The following TRAPPC9 variants were observed in gnomAD, a reference collection of about 807,000 sequenced individuals.
The protein encoded by TRAPPC9 is IKK2 binding protein.
Under a neutral mutation model 124.0 loss-of-function variants are expected in TRAPPC9, and 83 were observed. The observed-to-expected ratio is 0.67, with a 90% CI of 0.56 to 0.80. The LOEUF (loss-of-function observed/expected upper bound fraction) is 0.80, where lower values mean the gene tolerates loss of function less well. Ranked by LOEUF, TRAPPC9 falls within the 30% of genes least tolerant of loss-of-function variation. The pLI is 0.00. For missense variants in TRAPPC9, 1,302 were observed against 1,508.3 expected, an observed-to-expected ratio of 0.86 and a Z score of 2.27; for synonymous variants, 638 against 617.5, an observed-to-expected ratio of 1.03 and a Z score of -0.49.
chr8:140,444,691 C>CCCCG (rs201805978), intron 2 of TRAPPC9, among the ~76,000 whole-genome samples: 1 of 151,738 alleles, frequency 6.6e-6, no homozygotes, highest in Non-Finnish European at 1.5e-5. Context: ...TGAGACCCCC[C>CCCCG]CCATCTCTAC....
chr8:140,402,558 T>A (rs1371730069), intron 6 of TRAPPC9, among the ~76,000 whole-genome samples: 1 of 151,974 alleles, frequency 6.6e-6, no homozygotes, highest in Non-Finnish European at 1.5e-5. Context: ...TAGCTGGGCA[T>A]GGTGTTGCAC....
chr8:139,878,866 G>A (rs1008527848), intron 21 of TRAPPC9, among the ~76,000 whole-genome samples: 22 of 152,224 alleles, frequency 1.4e-4, no homozygotes, highest in African/African-American at 5.1e-4. Flanking sequence ...CGAGAGGATC[G>A]CTGAGCCCAG....
chr8:140,135,672 C>T (rs1310574047), intron 17 of TRAPPC9, among the ~76,000 whole-genome samples: 7 of 152,292 alleles, frequency 4.6e-5, no homozygotes, highest in African/African-American at 1.7e-4. Flanking sequence ...GGATACAGAG[C>T]TTCTATTTGG....
chr8:139,796,648 T>C (rs1358076570), intron 21 of TRAPPC9, among the ~76,000 whole-genome samples: 1 of 152,268 alleles, frequency 6.6e-6, no homozygotes, highest in Non-Finnish European at 1.5e-5. Context: ...TGTTTATCCA[T>C]TCAGCAGCTG....
rs527911358 is a variant in TRAPPC9, at chr8:140,449,871, T to C, written c.584+919A>G. 5.9e-5 allele frequency among the ~76,000 whole-genome samples: 9 copies of C among 152,334 alleles called. No homozygotes were observed. The South Asian group carries it at 6.2e-4, about 11-fold the overall frequency. ...CCAAAGGGACGAGACTGAATAAAAC[T>C]GTTCAAACTGTGCTCTAGCACAGTG... On this transcript the variant is annotated intron_variant, in intron 2 of 22. Transcript: ENST00000438773.
intron 17 of TRAPPC9, among the ~76,000 whole-genome samples, chr8:140,064,770 C>G (rs531566111): frequency 1.3e-5 from 2 of 152,296 alleles, no homozygotes; most frequent in African/African-American, 4.8e-5. Flanking sequence ...AGGTATTTCT[C>G]TGTGACTGGT....
chr8:139,978,940 T>C (rs1836683287), intron 19 of TRAPPC9, among the ~76,000 whole-genome samples: 1 of 151,958 alleles, frequency 6.6e-6, no homozygotes, highest in Non-Finnish European at 1.5e-5. Context: ...GCTTTCTTCA[T>C]AGACGGGCAG....
intron 1 of TRAPPC9, 148 bp downstream of exon 1, chr8:140,457,491 A>ACCCGGACAGGTGTGGCGGGCTCCG (rs1276558716): frequency 1.6e-6 from 1 of 624,790 alleles, no homozygotes; most frequent in Non-Finnish European, 2.0e-6. Context: ...CCGGCAGCGG[A>ACCCGGACAGGTGTGGCGGGCTCCG]CCCGGACAGG....
intron 21 of TRAPPC9, among the ~76,000 whole-genome samples, chr8:139,771,236 G>A (rs1173201927): frequency 6.6e-6 from 1 of 152,150 alleles, no homozygotes; most frequent in Non-Finnish European, 1.5e-5. Flanking sequence ...GAAACTTAAC[G>A]CATCATCTAT....
intron 14 of TRAPPC9, among the ~76,000 whole-genome samples, chr8:140,282,008 C>T (rs1449190289): frequency 6.6e-6 from 1 of 152,172 alleles, no homozygotes; most frequent in African/African-American, 2.4e-5. Context: ...TCAATTTCTC[C>T]ACTTGACAGA....
At chr8:139,909,468 C>CA (rs149721368) in intron 20 of TRAPPC9, among the ~76,000 whole-genome samples, 6,947 of 152,272 alleles carry the variant, frequency 0.046, 401 homozygotes, top group African/African-American at 0.14. Context: ...TCATACTAGA[C>CA]AAACAACTGC....
rs148433924 is a variant in TRAPPC9 at position 139,821,800 on chromosome 8, C to T, written c.3055+64079G>A. Reference sequence around the variant, plus strand: ...GGGACCCGTGAGCTTGTTAAGGCTTCTGAGTAGAGACCAACAGATTCGTGT... The same window carrying T: ...GGGACCCGTGAGCTTGTTAAGGCTTTTGAGTAGAGACCAACAGATTCGTGT... On this transcript the variant is annotated intron_variant, in intron 21 of 22. Transcript: ENST00000438773. Among the ~76,000 whole-genome samples, 774 of 152,306 alleles carry T rather than the reference C, an allele frequency of 5.1e-3. 4 individuals carry two copies. Among genetic ancestry groups the T allele is most frequent in the Middle Eastern group, 0.014 (4 of 294 alleles).
At chr8:139,732,689 C>T (rs904133965) in intron 21 of TRAPPC9, among the ~76,000 whole-genome samples, 1 of 152,234 alleles carries the variant, frequency 6.6e-6, no homozygotes, top group Admixed American at 6.5e-5. Flanking sequence ...GTCTTGATCT[C>T]GTTCCCCAGG....
chr8:139,738,207 G>A (rs560148378), intron 21 of TRAPPC9, among the ~76,000 whole-genome samples: 31 of 152,308 alleles, frequency 2.0e-4, no homozygotes, highest in African/African-American at 6.0e-4. Flanking sequence ...CTGTGCCCAC[G>A]GCAGCCCGTG....
intron 16 of TRAPPC9, among the ~76,000 whole-genome samples, chr8:140,222,680 T>A (rs576454839): frequency 3.3e-5 from 5 of 152,212 alleles, no homozygotes; most frequent in Admixed American, 3.3e-4. Context: ...AATGAGATAT[T>A]TGACTGCAGT....
intron 4 of TRAPPC9, among the ~76,000 whole-genome samples, chr8:140,427,326 G>A (rs1417817528): frequency 6.6e-6 from 1 of 151,622 alleles, no homozygotes. Flanking sequence ...GTGGCTCTGT[G>A]GAACTTTTCA....
At chr8:139,739,882 C>A (rs1818442308) in intron 21 of TRAPPC9, among the ~76,000 whole-genome samples, 1 of 152,230 alleles carries the variant, frequency 6.6e-6, no homozygotes, top group Non-Finnish European at 1.5e-5. Context: ...GACACAAGTT[C>A]CATTTCATAT....
At chr8:139,859,525 G>A (rs1404135022) in intron 21 of TRAPPC9, among the ~76,000 whole-genome samples, 6 of 152,188 alleles carry the variant, frequency 3.9e-5, no homozygotes, top group Non-Finnish European at 5.9e-5. Context: ...TCTCCCTGAT[G>A]ACATCATGAC....
At chr8:140,299,867 G>T (rs1414248010) in intron 11 of TRAPPC9, among the ~76,000 whole-genome samples, 1 of 152,148 alleles carries the variant, frequency 6.6e-6, no homozygotes, top group Non-Finnish European at 1.5e-5. Flanking sequence ...TGACTATCCT[G>T]ATCACCTGTG....
Sources: allele counts gnomAD v4.1 joint callset (sites outside exome capture counted in the v4.1 genomes callset), GRCh38; gene constraint gnomAD v4.1.1; transcripts MANE v1.5; gene names NCBI Gene and HGNC (gene_info 2026-07-23, HGNC 2026-07-21).